The following NT5C3A variants were observed in gnomAD, a reference collection of about 807,000 sequenced individuals.
NT5C3A encodes cytosolic 5'-nucleotidase 3A.
In NT5C3A, 23 loss-of-function variants were observed where a neutral mutation model predicts 40.0. The observed-to-expected ratio is 0.58, with a 90% CI of 0.41 to 0.81. The LOEUF is 0.81. Among genes scored for constraint, NT5C3A ranks in the 40% least tolerant of loss-of-function variants. The probability of loss-of-function intolerance (pLI) is 0.00; values close to 1 mark genes in which losing one functional copy is unlikely to be tolerated. For missense variants in NT5C3A, 328 were observed against 403.0 expected (o/e 0.81, Z 1.59); for synonymous variants, 130 against 141.4 (o/e 0.92, Z 0.57).
chr7:33,023,071 GC>G lies in NT5C3A; in HGVS notation c.307+967del, dbSNP rs569882693. Among the ~76,000 whole-genome samples, 17 of 151,706 alleles carry G rather than the reference GC, an allele frequency of 1.1e-4. No individual in the cohort carries two copies. In the East Asian group the frequency reaches 3.1e-3, roughly 28 times the overall value. On this transcript the variant is annotated intron_variant, in intron 3 of 8. Transcript: ENST00000610140. The stretch of plus-strand genomic sequence containing the variant: ...GCTGGGACCACAGGCATGCCACAAT[GC>G]CCAGCTAATTTTTTATTTTTTGTAA...
Position 33,026,891 on chromosome 7 carries a change from C to T in NT5C3A, c.163G>A (p.Val55Ile), listed in dbSNP as rs1472737005. ...ACTCTTGTAGGGTTCTTGATTCGAA[C>T]TGAACTTTTCTGGAATTCTGGCATC... ...EMMPEFQKSS[V>I]RIKNPTRVEE... is the part of the protein sequence containing the mutation. Residue 55 changes from valine (V) to isoleucine (I), a missense_variant, in exon 2 of 9, where the codon GTT becomes ATT. Around this residue, in one of 3 missense-constraint regions of NT5C3A, gnomAD observed 280 missense variants for 317.2 expected, o/e 0.88. Coordinates refer to ENST00000610140, the MANE Select transcript of NT5C3A (RefSeq NM_001002010.5). 2 of 1,612,180 alleles carry T rather than the reference C, an allele frequency of 1.2e-6. No individual in the cohort carries two copies. Among genetic ancestry groups the T allele is most frequent in the Non-Finnish European group, 1.7e-6 (2 of 1,179,218 alleles).
At position 33,027,482 on chromosome 7, in the gene NT5C3A, T is replaced by C. The variant is rs145322984; in HGVS notation, c.139-567A>G. Among the ~76,000 whole-genome samples, 1,120 of 152,312 alleles carry C rather than the reference T, an allele frequency of 7.4e-3. 17 individuals are homozygous for C. Among genetic ancestry groups the C allele is most frequent in the African/African-American group, 0.026 (1,063 of 41,570 alleles). The stretch of plus-strand genomic sequence containing the variant: ...CAATTGCTTTATCAGAAAGTATATA[T>C]CTTTTTCTAAGTATAAAAGCAATGC... On this transcript the variant is annotated intron_variant, in intron 1 of 8. Transcript: ENST00000610140.
intron 4 of NT5C3A, 100 bp from the exon 5 acceptor site, chr7:33,021,457 C>CTT (rs1785627818): frequency 2.8e-6 from 4 of 1,416,512 alleles, no homozygotes; most frequent in Non-Finnish European, 3.8e-6. Context: ...TTTCAACAAA[C>CTT]TGCTTTAAAA....
At position 33,019,729 on chromosome 7, in the gene NT5C3A, AG is replaced by A; in HGVS notation, c.441-6del. 1 of 1,523,556 alleles carries A rather than the reference AG, an allele frequency of 6.6e-7. No individual in the cohort carries two copies. The highest frequency in any genetic ancestry group is 9.1e-7 in the Non-Finnish European group (1 of 1,100,544). The allele number at this position is 1,523,556 out of a possible 1,614,324, so 94.4% of individuals were successfully genotyped here. ...AAACCATGTGATTTAGTATACCTGG[AG>A]TTTATGACCAAAGGAAAAAAGACTA... is the stretch of plus-strand genomic sequence containing the variant. On this transcript the variant is annotated splice_region_variant and splice_polypyrimidine_tract_variant and intron_variant, in intron 5 of 8. Transcript: ENST00000610140.
chr7:33,047,713 G>C (rs187000698), intron 1 of NT5C3A, among the ~76,000 whole-genome samples: 45 of 151,968 alleles, frequency 3.0e-4, no homozygotes, highest in Non-Finnish European at 5.6e-4. Context: ...ACTAAAACGG[G>C]GGTCTTTTAA....
intron 1 of NT5C3A, among the ~76,000 whole-genome samples, chr7:33,048,560 A>G (rs1031405910): frequency 2.6e-5 from 4 of 152,230 alleles, no homozygotes; most frequent in Non-Finnish European, 5.9e-5. Flanking sequence ...AAAAGTGGGT[A>G]AAACATATAT....
chr7:33,018,815 CAG>C, intron 6 of NT5C3A, among the ~76,000 whole-genome samples: 1 of 149,572 alleles, frequency 6.7e-6, no homozygotes, highest in Non-Finnish European at 1.5e-5. Flanking sequence ...GCCTGGGTGA[CAG>C]AGCGAGACTC....
At chr7:33,027,853 G>A (rs186995965) in intron 1 of NT5C3A, among the ~76,000 whole-genome samples, 3 of 152,080 alleles carry the variant, frequency 2.0e-5, no homozygotes, top group South Asian at 2.1e-4. Flanking sequence ...GCATATATAC[G>A]CATATAGTTT....
chr7:33,037,249 T>A lies in NT5C3A; in HGVS notation c.139-10334A>T, dbSNP rs372165267. On this transcript the variant is annotated intron_variant, in intron 1 of 8. Transcript: ENST00000610140. ...TTAGGGTCTGGGTGAAGTTTAAATA[T>A]ATCTGTTCATCAAACAAAAGGAACC... Among the ~76,000 whole-genome samples the A allele has an allele frequency of 3.3e-5, 5 of 152,342 alleles. No individual in the cohort carries two copies. The East Asian group carries it at 7.7e-4, about 23-fold the overall frequency.
intron 2 of NT5C3A, among the ~76,000 whole-genome samples, chr7:33,026,592 C>T (rs919767615): frequency 2.0e-5 from 3 of 150,840 alleles, no homozygotes; most frequent in Non-Finnish European, 4.4e-5. Context: ...CTGACCTCAG[C>T]CTTGTCCACC....
intron 1 of NT5C3A, among the ~76,000 whole-genome samples, chr7:33,031,531 G>A (rs752332257): frequency 1.2e-4 from 18 of 152,134 alleles, no homozygotes; most frequent in Middle Eastern, 3.4e-3. Flanking sequence ...AGGTTGCAGT[G>A]AGCTGACATC....
chr7:33,034,435 G>A (rs1383097243), intron 1 of NT5C3A, among the ~76,000 whole-genome samples: 4 of 151,834 alleles, frequency 2.6e-5, no homozygotes, highest in Admixed American at 1.3e-4. Flanking sequence ...TTGTGTTCAC[G>A]TAAGTTAAAA....
chr7:33,061,724 T>C (rs77694159), intron 1 of NT5C3A, among the ~76,000 whole-genome samples: 1 of 152,170 alleles, frequency 6.6e-6, no homozygotes, highest in Admixed American at 6.5e-5. Context: ...GATGTTCACA[T>C]GTATAGCACA....
rs771425514 is a variant in NT5C3A at position 33,015,909 on chromosome 7, T to C, written c.694-39A>G. ...AAATCTTTTGAACAGGCTTTAAAAA[T>C]TCTATTTGTTGGATTTTCATATTTT... On this transcript the variant is annotated intron_variant, in intron 7 of 8. Transcript: ENST00000610140. 9.4e-6 allele frequency: 13 copies of C among 1,376,602 alleles called. No individual in the cohort carries two copies. The African/African-American group carries it at 1.7e-4, about 18-fold the overall frequency. 85.3% of individuals were successfully genotyped at this position (1,376,602 alleles called of 1,614,324 possible).
Position 33,039,375 on chromosome 7 carries a change from G to A in NT5C3A, c.139-12460C>T, listed in dbSNP as rs936184553. ...TGTGACTGCTTTAATTGTGATACTC[G>A]CAGAAACATGTAAACTACATTGATA... On this transcript the variant is annotated intron_variant, in intron 1 of 8. Transcript: ENST00000610140. 1.1e-4 allele frequency among the ~76,000 whole-genome samples: 16 copies of A among 151,912 alleles called. 1 individual carries two copies. Among genetic ancestry groups the A allele is most frequent in the African/African-American group, 3.6e-4 (15 of 41,366 alleles).
intron 1 of NT5C3A, among the ~76,000 whole-genome samples, chr7:33,054,047 T>C (rs887630750): frequency 1.9e-5 from 2 of 107,042 alleles, no homozygotes; most frequent in East Asian, 2.5e-4. Flanking sequence ...ATCTTGAATA[T>C]AGCCTTTGAT....
At chr7:33,044,407 G>C (rs1787059512) in intron 1 of NT5C3A, among the ~76,000 whole-genome samples, 1 of 151,734 alleles carries the variant, frequency 6.6e-6, no homozygotes, top group Admixed American at 6.6e-5. Context: ...TTTTTGAGAA[G>C]GGATAGAAAG....
intron 1 of NT5C3A, among the ~76,000 whole-genome samples, chr7:33,059,241 C>T (rs1374472272): frequency 1.3e-5 from 2 of 152,294 alleles, no homozygotes; most frequent in East Asian, 3.9e-4. Flanking sequence ...GTTGCTATTG[C>T]TAATAATAAC....
At chr7:33,019,831 T>G (rs1471800482) in intron 5 of NT5C3A, 107 bp from the exon 6 acceptor site, 3 of 723,606 alleles carry the variant, frequency 4.1e-6, no homozygotes, top group Admixed American at 2.1e-5. Context: ...TCCTCATATT[T>G]GGATTTAAAT....
Sources: allele counts gnomAD v4.1 joint callset (sites outside exome capture counted in the v4.1 genomes callset), GRCh38; gene constraint gnomAD v4.1.1; regional missense constraint gnomAD v4.1.1; transcripts MANE v1.5; gene names NCBI Gene and HGNC (gene_info 2026-07-23, HGNC 2026-07-21).